Variants in PCTP observed in about 807,000 individuals in gnomAD.
The protein encoded by PCTP is phosphatidylcholine transfer protein.
In PCTP, 27 loss-of-function variants were observed where a neutral mutation model predicts 31.0. The ratio of observed to expected loss-of-function variants is 0.87; its 90% CI spans 0.64 to 1.20. The LOEUF (loss-of-function observed/expected upper bound fraction) is 1.20, where lower values mean the gene tolerates loss of function less well. PCTP is among the 50% of genes most tolerant of loss of function. The pLI, the probability that PCTP is intolerant of heterozygous loss-of-function variation, is 0.00. For missense variants in PCTP, 287 were observed against 268.2 expected, an observed-to-expected ratio of 1.07 and a Z score of -0.49; for synonymous variants, 108 against 101.2, an observed-to-expected ratio of 1.07 and a Z score of -0.40.
chr17:55,848,555 A>G, the PCTP span, among the ~76,000 whole-genome samples: 1 of 152,214 alleles, frequency 6.6e-6, no homozygotes, highest in African/African-American at 2.4e-5. Context: ...TTGAATAATT[A>G]TTCTTTCTAA....
chr17:55,848,247 G>C, the PCTP span, among the ~76,000 whole-genome samples: 1 of 152,176 alleles, frequency 6.6e-6, no homozygotes, highest in Non-Finnish European at 1.5e-5. Context: ...GCAACCTGCA[G>C]CCTAGTCAAG....
At chr17:55,789,818 C>A (rs1048632255) in intron 3 of PCTP, among the ~76,000 whole-genome samples, 2 of 152,166 alleles carry the variant, frequency 1.3e-5, no homozygotes, top group Non-Finnish European at 2.9e-5. Flanking sequence ...CCAGCATCAT[C>A]CTGATACCAA....
At chr17:55,826,618 C>A (rs1315349011), downstream of PCTP, among the ~76,000 whole-genome samples, 2 of 152,186 alleles carry the variant, frequency 1.3e-5, no homozygotes, top group Non-Finnish European at 2.9e-5. Context: ...ACGCTAAAGA[C>A]ATGAGGCAAA....
At chr17:55,758,313 G>T (rs926271981) in intron 1 of PCTP, among the ~76,000 whole-genome samples, 1 of 152,192 alleles carries the variant, frequency 6.6e-6, no homozygotes, top group Non-Finnish European at 1.5e-5. Flanking sequence ...CCCAGGGACT[G>T]TTCTTCCCTG....
At chr17:55,830,181 A>T (rs1393968220) in intron 5 of PCTP, among the ~76,000 whole-genome samples, 2 of 152,042 alleles carry the variant, frequency 1.3e-5, no homozygotes, top group African/African-American at 4.8e-5. Context: ...GGGCTAAAAA[A>T]CCTGGGCATC....
At chr17:55,840,543 G>T (rs1905941898) in intron 5 of PCTP, among the ~76,000 whole-genome samples, 1 of 152,114 alleles carries the variant, frequency 6.6e-6, no homozygotes, top group Non-Finnish European at 1.5e-5. Context: ...CCATGGTTTT[G>T]GTTGCCCATG....
chr17:55,778,646 C>T (rs1911452280), downstream of PCTP, among the ~76,000 whole-genome samples: 1 of 152,082 alleles, frequency 6.6e-6, no homozygotes, highest in Non-Finnish European at 1.5e-5. Flanking sequence ...TTCCCAGGTT[C>T]CCATTGGTCC....
intron 2 of PCTP, among the ~76,000 whole-genome samples, chr17:55,784,062 T>C (rs1285327125): frequency 6.6e-6 from 1 of 152,156 alleles, no homozygotes; most frequent in Non-Finnish European, 1.5e-5. Context: ...CAGCATGCGT[T>C]TCCTCTTGCA....
chr17:55,836,507 C>T (rs1905782253), intron 5 of PCTP, among the ~76,000 whole-genome samples: 1 of 152,190 alleles, frequency 6.6e-6, no homozygotes, highest in Non-Finnish European at 1.5e-5. Context: ...CACTTTCCTT[C>T]AATGGCCACC....
chr17:55,769,151 A>G (rs1910846344), intron 2 of PCTP: 1 of 152,180 alleles, frequency 6.6e-6, no homozygotes, highest in East Asian at 1.9e-4. Context: ...CTGCCAGAAG[A>G]TCCAGATTTA....
In PCTP at chr17:55,807,453, C is replaced by T. The variant is rs190468620; in HGVS notation, c.318-15308C>T. On this transcript the variant is annotated intron_variant, in intron 3 of 3. Transcript: ENST00000572536. ...TTTAGTTAAACATGGACTCTCCTTC[C>T]GTCCTTCCCATCTCCTTTGGGCACA... 1.8e-3 allele frequency among the ~76,000 whole-genome samples: 277 copies of T among 152,266 alleles called. 3 individuals carry two copies. The highest frequency in any genetic ancestry group is 0.017 in the Middle Eastern group (5 of 294).
At chr17:55,759,564 G>T (rs1221166090) in intron 1 of PCTP, among the ~76,000 whole-genome samples, 2 of 152,124 alleles carry the variant, frequency 1.3e-5, no homozygotes, top group Non-Finnish European at 2.9e-5. Context: ...GGATGGACTT[G>T]GACAGCTTTT....
intron 3 of PCTP, among the ~76,000 whole-genome samples, chr17:55,795,810 A>T (rs1912168063): frequency 1.3e-5 from 2 of 152,084 alleles, no homozygotes; most frequent in South Asian, 4.1e-4. Flanking sequence ...CTGATTGCCC[A>T]CTTTGTTTAT....
At chr17:55,761,371 A>T (rs1910332322) in intron 1 of PCTP, among the ~76,000 whole-genome samples, 1 of 151,886 alleles carries the variant, frequency 6.6e-6, no homozygotes, top group Non-Finnish European at 1.5e-5. Flanking sequence ...TTAATAAATC[A>T]TCAAGGGAAA....
intron 5 of PCTP, among the ~76,000 whole-genome samples, chr17:55,830,586 T>C (rs1905561322): frequency 6.6e-6 from 1 of 152,204 alleles, no homozygotes; most frequent in Admixed American, 6.5e-5. Flanking sequence ...ATCTGAAAGA[T>C]GGTTTCCTTT....
rs1912598935 is a variant in PCTP at position 55,806,973 on chromosome 17, T to A, written c.318-15788T>A. Among the ~76,000 whole-genome samples, 7 of 152,182 alleles carry A rather than the reference T, an allele frequency of 4.6e-5. No homozygotes were observed. In the South Asian group the frequency reaches 1.4e-3, roughly 31 times the overall value. ...TAATCTGCTAATGACTCAGACTGCA[T>A]TTGATGCAATGTTCCCTGTATCAAA... On this transcript the variant is annotated intron_variant, in intron 3 of 3. Coordinates refer to the PCTP transcript ENST00000572536.
At chr17:55,830,175 T>C (rs1288963065) in intron 5 of PCTP, among the ~76,000 whole-genome samples, 2 of 152,130 alleles carry the variant, frequency 1.3e-5, no homozygotes, top group African/African-American at 4.8e-5. Context: ...CAGTCTGGGC[T>C]AAAAAACCTG....
At chr17:55,752,646 G>T (rs1240346538) in intron 1 of PCTP, among the ~76,000 whole-genome samples, 1 of 152,184 alleles carries the variant, frequency 6.6e-6, no homozygotes, top group East Asian at 1.9e-4. Flanking sequence ...AAATTAGTAG[G>T]GCTGGCCTTT....
At chr17:55,844,492 T>C (rs1906080007), downstream of PCTP, among the ~76,000 whole-genome samples, 2 of 152,154 alleles carry the variant, frequency 1.3e-5, no homozygotes, top group Non-Finnish European at 1.5e-5. Flanking sequence ...CATAGATTCA[T>C]AGAAGCTTAG....
Sources: gnomAD v4.1 joint callset for allele counts (sites outside exome capture counted in the v4.1 genomes callset) on GRCh38, gnomAD v4.1.1 for gene constraint, MANE v1.5 for transcripts, NCBI Gene and HGNC (gene_info 2026-07-23, HGNC 2026-07-21) for gene names.